Variants in CDC42BPA observed in about 807,000 individuals in gnomAD.
CDC42BPA encodes the protein CDC42 binding protein kinase alpha.
Under a neutral mutation model 223.5 loss-of-function variants are expected in CDC42BPA, and 80 were observed. That is an observed-to-expected ratio of 0.36 (90% confidence interval 0.30 to 0.43). CDC42BPA has a LOEUF of 0.43. Ranked by LOEUF, CDC42BPA falls within the 20% of genes least tolerant of loss-of-function variation. The pLI is 1.00. For missense variants in CDC42BPA, 1,743 were observed against 2,099.9 expected, an observed-to-expected ratio of 0.83 and a Z score of 3.32; for synonymous variants, 694 against 718.6, an observed-to-expected ratio of 0.97 and a Z score of 0.55.
intron 1 of CDC42BPA, among the ~76,000 whole-genome samples, chr1:227,269,594 T>C (rs73098324): frequency 0.03 from 4,567 of 152,084 alleles, 204 homozygotes; most frequent in African/African-American, 0.1. Flanking sequence ...AAAACAACAT[T>C]GGAAAAATAT....
intron 9 of CDC42BPA, among the ~76,000 whole-genome samples, chr1:227,141,495 C>T (rs1473314658): frequency 2.0e-5 from 3 of 152,116 alleles, no homozygotes; most frequent in Non-Finnish European, 1.5e-5. Context: ...TTGCACAGTT[C>T]ATCCATGAAA....
intron 5 of CDC42BPA, among the ~76,000 whole-genome samples, chr1:227,163,170 G>A (rs146173309): frequency 4.7e-4 from 72 of 151,706 alleles, no homozygotes; most frequent in African/African-American, 1.6e-3. Flanking sequence ...GTGTGTATAT[G>A]TTTCCAAACA....
chr1:227,101,654 A>C (rs909342538), intron 14 of CDC42BPA, among the ~76,000 whole-genome samples: 1 of 152,194 alleles, frequency 6.6e-6, no homozygotes, highest in Non-Finnish European at 1.5e-5. Flanking sequence ...TGTGTCTTAA[A>C]AAAATTAAAA....
intron 11 of CDC42BPA, among the ~76,000 whole-genome samples, chr1:227,123,608 G>C (rs964629533): frequency 2.0e-5 from 3 of 152,132 alleles, no homozygotes; most frequent in African/African-American, 7.2e-5. Context: ...CAAAAAATGG[G>C]CATGATTAAA....
At chr1:227,185,887 T>C (rs1030752229) in intron 5 of CDC42BPA, among the ~76,000 whole-genome samples, 1 of 152,188 alleles carries the variant, frequency 6.6e-6, no homozygotes, top group African/African-American at 2.4e-5. Context: ...ACTTCCAGTA[T>C]GTAAGGAGTC....
rs1420076825 is a variant in CDC42BPA at position 226,999,863 on chromosome 1, A to G, written c.4976-4883T>C. Among the ~76,000 whole-genome samples the G allele has an allele frequency of 3.6e-5, 5 of 137,296 alleles. No homozygotes were observed. In the Admixed American group the frequency reaches 4.0e-4, roughly 11 times the overall value. The allele number at this position is 137,296 out of a possible 152,430, so 90.1% of individuals were successfully genotyped here. On this transcript the variant is annotated intron_variant, in intron 35 of 36. Transcript: ENST00000366766. ...CTAACACAGGAACAGAAAACCAAAC[A>G]CCGCATGTTCTCATTCATAAGTGGG...
At chr1:226,995,057 T>C in intron 35 of CDC42BPA, 77 bp from the exon 36 acceptor site, 1 of 1,335,934 alleles carries the variant, frequency 7.5e-7, no homozygotes, top group Non-Finnish European at 1.0e-6. Context: ...ACTGCTGAGC[T>C]GACAGGCCAT....
At chr1:227,260,540 T>C (rs1683854216) in intron 1 of CDC42BPA, among the ~76,000 whole-genome samples, 1 of 142,258 alleles carries the variant, frequency 7.0e-6, no homozygotes, top group Non-Finnish European at 1.5e-5. Context: ...CCACTAGTGA[T>C]AGCTACCATG....
At chr1:227,089,627 G>GTTTTT (rs72110440) in intron 16 of CDC42BPA, among the ~76,000 whole-genome samples, 8 of 116,716 alleles carry the variant, frequency 6.9e-5, no homozygotes, top group Admixed American at 1.8e-4. Flanking sequence ...GGGTAATTCC[G>GTTTTT]TTTTTTTTTT....
chr1:227,112,838 C>A lies in CDC42BPA; in HGVS notation c.1723G>T (p.Ala575Ser), dbSNP rs1454855829. 6.2e-7 allele frequency: 1 copy of A among 1,613,894 alleles called. No homozygotes were observed. Among genetic ancestry groups the A allele is most frequent in the African/African-American group, 1.3e-5 (1 of 74,906 alleles). ...LKDAHCQRKL[A>S]MQEFMEINER... ...TTGATCTCCATGAATTCCTGCATGGCCAGTTTCCTCTGACAGTGTGCGTCT... is the reference window on the plus strand; with the variant it reads ...TTGATCTCCATGAATTCCTGCATGGACAGTTTCCTCTGACAGTGTGCGTCT... The change falls in exon 13 of 37, where the codon GCC becomes TCC. Residue 575 changes from alanine (A) to serine (S), a missense_variant. Transcript: ENST00000366766.
intron 10 of CDC42BPA, among the ~76,000 whole-genome samples, chr1:227,135,855 C>CAAAAAAAAAA (rs1175091904): frequency 1.2e-3 from 8 of 6,602 alleles, no homozygotes; most frequent in Non-Finnish European, 2.7e-3. Flanking sequence ...CTCTGTCTCC[C>CAAAAAAAAAA]AAAAAAAAAA....
chr1:227,078,085 T>G (rs1048052998), intron 17 of CDC42BPA, among the ~76,000 whole-genome samples: 2 of 152,188 alleles, frequency 1.3e-5, no homozygotes, highest in African/African-American at 4.8e-5. Context: ...ATGACAACTG[T>G]GTTGCAGTAA....
chr1:227,168,565 C>T (rs1394058498), intron 5 of CDC42BPA, among the ~76,000 whole-genome samples: 5 of 130,684 alleles, frequency 3.8e-5, no homozygotes, highest in South Asian at 5.1e-4. Context: ...GTGCGATCTC[C>T]GCTCGCTGCA....
intron 2 of CDC42BPA, among the ~76,000 whole-genome samples, chr1:227,223,599 T>C (rs1388330347): frequency 6.6e-6 from 1 of 152,288 alleles, no homozygotes; most frequent in East Asian, 1.9e-4. Flanking sequence ...TGGTGAGATA[T>C]GGAGACTAGA....
chr1:227,301,627 G>C (rs1354235621), intron 1 of CDC42BPA, among the ~76,000 whole-genome samples: 1 of 152,012 alleles, frequency 6.6e-6, no homozygotes, highest in Non-Finnish European at 1.5e-5. Flanking sequence ...CAAAATGCTG[G>C]GATTACAGGC....
intron 5 of CDC42BPA, among the ~76,000 whole-genome samples, chr1:227,172,184 T>C (rs1666215504): frequency 6.6e-6 from 1 of 152,228 alleles, no homozygotes; most frequent in South Asian, 2.1e-4. Flanking sequence ...ACAGCCTTTC[T>C]GTCAGTCAGA....
At chr1:227,162,968 G>T (rs1351167237) in intron 5 of CDC42BPA, among the ~76,000 whole-genome samples, 1 of 98,616 alleles carries the variant, frequency 1.0e-5, no homozygotes, top group Non-Finnish European at 2.1e-5. Context: ...TTCCAAACGT[G>T]TGTATGTTTC....
At chr1:227,066,112 C>T (rs573947426) in intron 21 of CDC42BPA, among the ~76,000 whole-genome samples, 9 of 152,196 alleles carry the variant, frequency 5.9e-5, no homozygotes, top group South Asian at 4.2e-4. Context: ...CAAGTGCAGC[C>T]GGGCGTGGTG....
intron 5 of CDC42BPA, among the ~76,000 whole-genome samples, chr1:227,174,150 G>A (rs1666559382): frequency 6.6e-6 from 1 of 152,076 alleles, no homozygotes; most frequent in African/African-American, 2.4e-5. Flanking sequence ...TCAACTTTAT[G>A]ATGGGCTTAC....
Sources: allele counts gnomAD v4.1 joint callset (sites outside exome capture counted in the v4.1 genomes callset), GRCh38; gene constraint gnomAD v4.1.1; transcripts MANE v1.5; gene names NCBI Gene and HGNC (gene_info 2026-07-23, HGNC 2026-07-21).